The following ANO6 variants were observed in gnomAD, a reference collection of about 807,000 sequenced individuals.
ANO6 encodes the protein anoctamin 6.
A neutral mutation model predicts 117.5 loss-of-function variants in ANO6; 106 were observed. That is an observed-to-expected ratio of 0.90 (90% CI 0.77 to 1.06). ANO6 has a LOEUF of 1.06. Among genes scored for constraint, ANO6 ranks in the 50% least tolerant of loss-of-function variants. The pLI, the probability that ANO6 is intolerant of heterozygous loss-of-function variation, is 0.00. For synonymous variants in ANO6, 367 were observed against 385.1 expected, an observed-to-expected ratio of 0.95 and a Z score of 0.55; for missense variants, 955 against 1,121.1, an observed-to-expected ratio of 0.85 and a Z score of 2.12.
chr12:45,432,229 G>A lies in ANO6; in HGVS notation c.*2918G>A. 5 of 938,756 alleles carry A rather than the reference G, an allele frequency of 5.3e-6. No homozygotes were observed. Among genetic ancestry groups the A allele is most frequent in the Non-Finnish European group, 5.1e-6 (4 of 791,830 alleles). 58.2% of individuals were successfully genotyped at this position (938,756 alleles called of 1,614,324 possible). On this transcript the variant is annotated 3_prime_UTR_variant, in exon 20 of 20. Coordinates refer to ENST00000320560, the MANE Select transcript of ANO6 (RefSeq NM_001025356.3). ...CATTGTGGCATAAGATGTAAAGTTTGTAATTAATGTTAATTTCTGTGCATT... is the reference window on the plus strand; with the variant it reads ...CATTGTGGCATAAGATGTAAAGTTTATAATTAATGTTAATTTCTGTGCATT...
chr12:45,348,384 G>C, intron 5 of ANO6, 69 bp downstream of exon 5: 1 of 1,606,570 alleles, frequency 6.2e-7, no homozygotes, highest in Admixed American at 1.7e-5. Context: ...GGTTTGGTTG[G>C]TTTGGTTTTA....
At chr12:45,402,754 CT>C (rs1343586459) in intron 13 of ANO6, among the ~76,000 whole-genome samples, 1 of 152,210 alleles carries the variant, frequency 6.6e-6, no homozygotes, top group Non-Finnish European at 1.5e-5. Context: ...AAATAATTTT[CT>C]GTCAATTATA....
intron 1 of ANO6, among the ~76,000 whole-genome samples, chr12:45,245,945 CAA>C (rs560906864): frequency 1.3e-4 from 13 of 100,668 alleles, no homozygotes; most frequent in African/African-American, 1.5e-4. Flanking sequence ...ACATTTTAGT[CAA>C]AAAAAAAAAA....
chr12:45,409,735 G>A (rs1943036983), intron 16 of ANO6, among the ~76,000 whole-genome samples: 1 of 152,112 alleles, frequency 6.6e-6, no homozygotes. Context: ...ATTCATTGAG[G>A]TACATCTTTA....
At chr12:45,356,616 A>G (rs896620304) in intron 7 of ANO6, among the ~76,000 whole-genome samples, 3 of 152,240 alleles carry the variant, frequency 2.0e-5, no homozygotes, top group African/African-American at 7.2e-5. Flanking sequence ...CCAAATGGAA[A>G]TGGATCATCA....
At position 45,331,438 on chromosome 12, in the gene ANO6, T is replaced by C. The variant is rs763302571; in HGVS notation, c.279+15T>C. On this transcript the variant is annotated intron_variant, in intron 3 of 19. Coordinates refer to ENST00000320560, the MANE Select transcript of ANO6 (RefSeq NM_001025356.3). ...AAAAACAAAGGGTAAGTTTTTATGC[T>C]ATTTTCCTTTCTTTTTATTTCTTAT... 6.2e-5 allele frequency: 99 copies of C among 1,591,156 alleles called. No individual in the cohort carries two copies. The Admixed American group carries it at 1.6e-3, about 26-fold the overall frequency.
At chr12:45,231,749 G>A (rs904166646) in intron 1 of ANO6, among the ~76,000 whole-genome samples, 10 of 151,868 alleles carry the variant, frequency 6.6e-5, no homozygotes, top group Admixed American at 2.6e-4. Context: ...CTTCTATAAC[G>A]GGCATATCAC....
chr12:45,377,927 A>G (rs1218941378), intron 9 of ANO6, 126 bp from the exon 10 acceptor site: 3 of 856,808 alleles, frequency 3.5e-6, no homozygotes, highest in African/African-American at 1.7e-5. Flanking sequence ...ATCATAGATG[A>G]TTGTTAAACT....
chr12:45,245,404 A>T (rs1947809435), intron 1 of ANO6, among the ~76,000 whole-genome samples: 2 of 151,882 alleles, frequency 1.3e-5, no homozygotes, highest in African/African-American at 4.8e-5. Flanking sequence ...TTTCTGTCTT[A>T]AAAAACAAAA....
chr12:45,241,044 T>C (rs987057992), intron 1 of ANO6, among the ~76,000 whole-genome samples: 1 of 152,146 alleles, frequency 6.6e-6, no homozygotes, highest in African/African-American at 2.4e-5. Flanking sequence ...TTGCTCTTCT[T>C]GAGGAGTATC....
intron 2 of ANO6, among the ~76,000 whole-genome samples, chr12:45,304,195 T>G (rs1033498245): frequency 2.0e-5 from 3 of 152,180 alleles, no homozygotes; most frequent in Admixed American, 6.5e-5. Context: ...GTCTCCATGG[T>G]AAACAAACAG....
At chr12:45,300,264 T>A (rs978358413) in intron 1 of ANO6, among the ~76,000 whole-genome samples, 1 of 152,182 alleles carries the variant, frequency 6.6e-6, no homozygotes, top group Non-Finnish European at 1.5e-5. Flanking sequence ...CACTGTAGCC[T>A]CAACCTCCCA....
At chr12:45,217,421 G>A (rs1390792568) in intron 1 of ANO6, among the ~76,000 whole-genome samples, 1 of 152,082 alleles carries the variant, frequency 6.6e-6, no homozygotes, top group Non-Finnish European at 1.5e-5. Context: ...AGTTGGGTGT[G>A]GTTTTTATTT....
chr12:45,425,036 A>G (rs754361927), intron 19 of ANO6, among the ~76,000 whole-genome samples: 1 of 152,216 alleles, frequency 6.6e-6, no homozygotes, highest in Non-Finnish European at 1.5e-5. Context: ...GAACTGTCAG[A>G]TAAGGAATAT....
At chr12:45,412,978 T>A (rs994153603) in intron 16 of ANO6, among the ~76,000 whole-genome samples, 1 of 152,178 alleles carries the variant, frequency 6.6e-6, no homozygotes, top group Admixed American at 6.5e-5. Context: ...AATAGCTTGA[T>A]CAAAGAATGG....
chr12:45,334,447 G>A (rs1940766116), intron 3 of ANO6, among the ~76,000 whole-genome samples: 1 of 152,002 alleles, frequency 6.6e-6, no homozygotes, highest in South Asian at 2.1e-4. Flanking sequence ...TTGATTTTAA[G>A]ATGGCTGCTG....
In ANO6 at chr12:45,426,323, G is replaced by A. The variant is rs114370816; in HGVS notation, c.2527-2782G>A. On this transcript the variant is annotated intron_variant, in intron 19 of 19. Transcript: ENST00000320560. The stretch of plus-strand genomic sequence containing the variant: ...CTTTCCTACAGCATCAACCTTTGTC[G>A]CTTTACTATATAATTTCCATTATCA... Among the ~76,000 whole-genome samples the A allele has an allele frequency of 4.6e-3, 704 of 152,126 alleles. 6 individuals are homozygous for A. The highest frequency in any genetic ancestry group is 0.016 in the African/African-American group (654 of 41,494).
chr12:45,397,591 T>C (rs1413171539), intron 12 of ANO6, among the ~76,000 whole-genome samples: 1 of 152,132 alleles, frequency 6.6e-6, no homozygotes, highest in African/African-American at 2.4e-5. Flanking sequence ...AACCCAAATG[T>C]CCACCAATGA....
intron 1 of ANO6, among the ~76,000 whole-genome samples, chr12:45,290,562 G>C (rs543417070): frequency 3.3e-5 from 5 of 152,292 alleles, no homozygotes; most frequent in African/African-American, 1.2e-4. Flanking sequence ...ACCTGAACCA[G>C]TTAGACTGTG....
Sources: gnomAD v4.1 joint callset for allele counts (sites outside exome capture counted in the v4.1 genomes callset) on GRCh38, gnomAD v4.1.1 for gene constraint, MANE v1.5 for transcripts, NCBI Gene and HGNC (gene_info 2026-07-23, HGNC 2026-07-21) for gene names.